ERGIC1: variants seen among roughly 807,000 people sequenced by gnomAD.
ERGIC1 encodes the protein endoplasmic reticulum-Golgi intermediate compartment protein 1.
Under a neutral mutation model 38.3 loss-of-function variants are expected in ERGIC1, and 19 were observed. The ratio of observed to expected loss-of-function variants is 0.50; its 90% confidence interval spans 0.35 to 0.73. The LOEUF is 0.73. ERGIC1 is among the 30% of genes least tolerant of loss of function. The pLI, the probability that ERGIC1 is intolerant of heterozygous loss-of-function variation, is 0.01. For synonymous variants in ERGIC1, 124 were observed against 157.6 expected (o/e 0.79, Z 1.60); for missense variants, 294 against 389.2 (o/e 0.76, Z 2.06).
chr5:172,842,753 T>C (rs1761190220), intron 1 of ERGIC1, among the ~76,000 whole-genome samples: 1 of 152,268 alleles, frequency 6.6e-6, no homozygotes. Context: ...TGCATTTCCC[T>C]GATGAATAGA....
At chr5:172,850,433 A>G (rs1028523174) in intron 1 of ERGIC1, among the ~76,000 whole-genome samples, 5 of 151,902 alleles carry the variant, frequency 3.3e-5, no homozygotes, top group Non-Finnish European at 5.9e-5. Flanking sequence ...TGGCTGTTCT[A>G]GAGGCACTGT....
rs1003723394 is a variant in ERGIC1, at chr5:172,854,106, C to T, written c.20+19673C>T. Among the ~76,000 whole-genome samples, 3 of 151,838 alleles carry T rather than the reference C, an allele frequency of 2.0e-5. No homozygotes were observed. In the South Asian group the frequency reaches 6.2e-4, roughly 32 times the overall value. ...AGAGATTAAACTACAGCAGGCAGGG[C>T]AAGGTGGCTCACGCCTATAATCCCA... is the stretch of plus-strand genomic sequence containing the variant. On this transcript the variant is annotated intron_variant, in intron 1 of 9. Transcript: ENST00000393784.
chr5:172,939,956 CTT>C lies in ERGIC1; in HGVS notation c.765+4648_765+4649del, dbSNP rs541128276. ...AGTGGAGGCACCTGCTGTGGCTTCTCTTTCTCTCTTTTTAAAAATCAAACACT... is the reference window on the plus strand; with the variant it reads ...AGTGGAGGCACCTGCTGTGGCTTCTCTCTCTCTTTTTAAAAATCAAACACT... On this transcript the variant is annotated intron_variant, in intron 9 of 9. Coordinates refer to ENST00000393784, the MANE Select transcript of ERGIC1 (RefSeq NM_001031711.3). 8.6e-4 allele frequency among the ~76,000 whole-genome samples: 131 copies of C among 152,374 alleles called. 2 individuals carry two copies. Among genetic ancestry groups the C allele is most frequent in the Admixed American group, 1.4e-3 (22 of 15,312 alleles).
At chr5:172,880,932 T>C (rs1480249246) in intron 1 of ERGIC1, among the ~76,000 whole-genome samples, 1 of 152,224 alleles carries the variant, frequency 6.6e-6, no homozygotes, top group African/African-American at 2.4e-5. Flanking sequence ...TTGCTTTAAT[T>C]TTGGCCCATT....
chr5:172,865,637 G>A (rs1431194755), intron 1 of ERGIC1, among the ~76,000 whole-genome samples: 7 of 152,034 alleles, frequency 4.6e-5, no homozygotes, highest in Admixed American at 3.3e-4. Flanking sequence ...CCCCCACCAC[G>A]GGGTGACCTA....
chr5:172,909,721 CGTCA>C lies in ERGIC1; in HGVS notation c.214_217del (p.Ser72Ter). The C allele has an allele frequency of 6.2e-7, 1 of 1,614,216 alleles. No homozygotes were observed. ...ACAAGGACAGCGGTGGCAAGATCGA[CGTCA>C]GTCTGAACATCAGTTTACCCAATCT... On this transcript the variant is annotated frameshift_variant, in exon 4 of 10. Transcript: ENST00000393784. LOFTEE classifies it high-confidence loss of function.
At chr5:172,893,914 T>TATATATATATACAC (rs1197942428) in intron 2 of ERGIC1, among the ~76,000 whole-genome samples, 3 of 77,874 alleles carry the variant, frequency 3.9e-5, no homozygotes, top group African/African-American at 1.4e-4. Flanking sequence ...TATGTGTGTG[T>TATATATATATACAC]GTGTGTGTGT....
intron 1 of ERGIC1, among the ~76,000 whole-genome samples, chr5:172,853,868 C>T (rs920395605): frequency 7.2e-5 from 11 of 152,332 alleles, no homozygotes; most frequent in African/African-American, 2.6e-4. Context: ...ATTCCATGAT[C>T]AGTTCGTTTA....
At chr5:172,851,804 C>T (rs1761416283) in intron 1 of ERGIC1, among the ~76,000 whole-genome samples, 2 of 152,196 alleles carry the variant, frequency 1.3e-5, no homozygotes, top group Admixed American at 6.5e-5. Context: ...TAAAAGGGCT[C>T]CACTTACCAG....
At chr5:172,943,933 A>AAC (rs1764063613) in intron 9 of ERGIC1, among the ~76,000 whole-genome samples, 1 of 152,210 alleles carries the variant, frequency 6.6e-6, no homozygotes, top group African/African-American at 2.4e-5. Flanking sequence ...ATGTAAGGGA[A>AAC]ACACACACGC....
At chr5:172,873,069 A>G (rs535114071) in intron 1 of ERGIC1, among the ~76,000 whole-genome samples, 1 of 152,352 alleles carries the variant, frequency 6.6e-6, no homozygotes, top group African/African-American at 2.4e-5. Flanking sequence ...GGGCATGAGA[A>G]TCCAGTCCCC....
intron 1 of ERGIC1, among the ~76,000 whole-genome samples, chr5:172,866,588 A>G (rs1761869016): frequency 6.6e-6 from 1 of 152,212 alleles, no homozygotes; most frequent in Non-Finnish European, 1.5e-5. Flanking sequence ...TCCCTGTACT[A>G]ACATGTGAAC....
intron 3 of ERGIC1, among the ~76,000 whole-genome samples, chr5:172,903,032 A>C (rs1465406722): frequency 4.9e-5 from 5 of 102,330 alleles, no homozygotes; most frequent in Non-Finnish European, 9.9e-5. Context: ...CTGTCCACCC[A>C]CACCCCCACC....
chr5:172,873,798 G>A (rs1762077058), intron 1 of ERGIC1, among the ~76,000 whole-genome samples: 1 of 152,246 alleles, frequency 6.6e-6, no homozygotes, highest in South Asian at 2.1e-4. Context: ...TGTGGACAGA[G>A]TAGGCCAAGT....
intron 1 of ERGIC1, among the ~76,000 whole-genome samples, chr5:172,877,458 A>ATATAT (rs58452182): frequency 2.3e-5 from 2 of 86,638 alleles, no homozygotes; most frequent in African/African-American, 8.5e-5. Flanking sequence ...ATATATATAT[A>ATATAT]TTTTTTTTTT....
chr5:172,914,433 A>G (rs1379092579), intron 4 of ERGIC1: 1 of 536,452 alleles, frequency 1.9e-6, no homozygotes, highest in Non-Finnish European at 3.4e-6. Flanking sequence ...AGGCATCCAG[A>G]GGTTAAGTAC....
Position 172,914,696 on chromosome 5 carries a change from T to C in ERGIC1, c.251-18T>C. 6.2e-7 allele frequency: 1 copy of C among 1,613,962 alleles called. No individual in the cohort carries two copies. The highest frequency in any genetic ancestry group is 1.1e-5 in the South Asian group (1 of 91,080). On this transcript the variant is annotated intron_variant, in intron 4 of 9. Transcript: ENST00000393784. Reference sequence around the variant, plus strand: ...CGTCTCTGGGTTTGTGACTGTTGTCTCCCTTTGGCTCCTGCAGTGGTTGGG... The same window carrying C: ...CGTCTCTGGGTTTGTGACTGTTGTCCCCCTTTGGCTCCTGCAGTGGTTGGG...
chr5:172,861,693 CCA>C (rs1262521662), intron 1 of ERGIC1, among the ~76,000 whole-genome samples: 1 of 152,144 alleles, frequency 6.6e-6, no homozygotes, highest in Non-Finnish European at 1.5e-5. Context: ...GTGTGTCAGC[CCA>C]AGTGTGAATT....
intron 1 of ERGIC1, among the ~76,000 whole-genome samples, chr5:172,865,965 T>G (rs1761851126): frequency 6.6e-6 from 1 of 152,156 alleles, no homozygotes; most frequent in Non-Finnish European, 1.5e-5. Context: ...TTTTGACCCA[T>G]CTCCATCCCA....
Sources: gnomAD v4.1 joint callset for allele counts (sites outside exome capture counted in the v4.1 genomes callset) on GRCh38, gnomAD v4.1.1 for gene constraint, MANE v1.5 for transcripts, NCBI Gene and HGNC (gene_info 2026-07-23, HGNC 2026-07-21) for gene names.